The following ACOT7 variants were observed in gnomAD, a reference collection of about 807,000 sequenced individuals.
ACOT7 encodes the protein acyl-CoA thioesterase 7.
ACOT7 carries 12 observed loss-of-function variants against 40.2 expected under a neutral mutation model. The ratio of observed to expected loss-of-function variants is 0.30; its 90% confidence interval spans 0.19 to 0.48. The LOEUF (loss-of-function observed/expected upper bound fraction) is 0.48, where lower values mean the gene tolerates loss of function less well. Among genes scored for constraint, ACOT7 ranks in the 20% least tolerant of loss-of-function variants. The pLI, the probability that ACOT7 is intolerant of heterozygous loss-of-function variation, is 0.99. For missense variants in ACOT7, 395 were observed against 530.8 expected, an observed-to-expected ratio of 0.74 and a Z score of 2.51; for synonymous variants, 228 against 219.5, an observed-to-expected ratio of 1.04 and a Z score of -0.34.
At chr1:6,351,335 G>A (rs1641585741) in intron 1 of ACOT7, among the ~76,000 whole-genome samples, 1 of 152,258 alleles carries the variant, frequency 6.6e-6, no homozygotes, top group African/African-American at 2.4e-5. Context: ...ACAGTGGCCG[G>A]GGGATCCCCA....
intron 1 of ACOT7, chr1:6,360,737 C>T: frequency 1.3e-6 from 2 of 1,597,894 alleles, no homozygotes; most frequent in Non-Finnish European, 1.7e-6. Context: ...CAATACTGTG[C>T]CCTTTGGACT....
rs116806991 is a variant in ACOT7 at position 6,354,460 on chromosome 1, G to A, written c.144-4594C>T. On this transcript the variant is annotated intron_variant, in intron 1 of 8. Coordinates refer to ENST00000361521, the MANE Select transcript of ACOT7 (RefSeq NM_007274.4). Reference sequence around the variant, plus strand: ...ATGGCCCAAAAGGGGGTGAAGAAGCGATGTCCTGAGACAGGGACGCAGCTG... The same window carrying A: ...ATGGCCCAAAAGGGGGTGAAGAAGCAATGTCCTGAGACAGGGACGCAGCTG... Among the ~76,000 whole-genome samples the A allele has an allele frequency of 6.4e-3, 976 of 152,374 alleles. 12 individuals are homozygous for A. Among genetic ancestry groups the A allele is most frequent in the African/African-American group, 0.022 (919 of 41,586 alleles).
chr1:6,391,860 C>T lies in ACOT7; in HGVS notation c.143+1397G>A, dbSNP rs137986531. Among the ~76,000 whole-genome samples the T allele has an allele frequency of 4.9e-3, 749 of 152,278 alleles. 8 individuals carry two copies. The highest frequency in any genetic ancestry group is 0.017 in the African/African-American group (719 of 41,558). ...AGACAGGTATAAGCTCTTTGCAAACCATGGAGCCCAAGTTTCCCAGCCAAT... is the reference window on the plus strand; with the variant it reads ...AGACAGGTATAAGCTCTTTGCAAACTATGGAGCCCAAGTTTCCCAGCCAAT... On this transcript the variant is annotated intron_variant, in intron 1 of 8. Coordinates refer to ENST00000361521, the MANE Select transcript of ACOT7 (RefSeq NM_007274.4).
intron 6 of ACOT7, among the ~76,000 whole-genome samples, chr1:6,297,408 C>T (rs1639839022): frequency 6.6e-6 from 1 of 152,170 alleles, no homozygotes; most frequent in South Asian, 2.1e-4. Context: ...CAAGCGAAAA[C>T]CAGACTTGTA....
At chr1:6,305,661 T>C (rs1331552114) in intron 6 of ACOT7, among the ~76,000 whole-genome samples, 9 of 142,130 alleles carry the variant, frequency 6.3e-5, no homozygotes, top group African/African-American at 2.2e-4. Flanking sequence ...CCTCACTTCC[T>C]AGATGGGATG....
chr1:6,350,220 C>T (rs1449181526), intron 1 of ACOT7, among the ~76,000 whole-genome samples: 1 of 152,160 alleles, frequency 6.6e-6, no homozygotes, highest in East Asian at 1.9e-4. Context: ...CTTGGGGTTC[C>T]CAGTGACCAA....
chr1:6,334,380 T>C (rs1458975330), intron 3 of ACOT7, among the ~76,000 whole-genome samples: 2 of 152,214 alleles, frequency 1.3e-5, no homozygotes, highest in East Asian at 1.9e-4. Context: ...ACTTGGCCCA[T>C]ACAGACGTGC....
intron 6 of ACOT7, among the ~76,000 whole-genome samples, chr1:6,304,393 CTTTTT>C (rs765262733): frequency 9.0e-5 from 10 of 111,102 alleles, no homozygotes; most frequent in African/African-American, 3.2e-4. Context: ...AAAGTACGTT[CTTTTT>C]TTTTTTTTTT....
At chr1:6,354,867 C>A (rs1641700301) in intron 1 of ACOT7, among the ~76,000 whole-genome samples, 1 of 151,366 alleles carries the variant, frequency 6.6e-6, no homozygotes, top group African/African-American at 2.4e-5. Context: ...CCCCTCACCC[C>A]CCATGGCCTC....
At position 6,306,530 on chromosome 1, in the gene ACOT7, C is replaced by T. The variant is rs1051380517; in HGVS notation, c.713-11550G>A. ...TCCCCCGCTGAAGCATCAGGATGGACGTGAAGCTGTTCTTCAGAACAGAAG... is the reference window on the plus strand; with the variant it reads ...TCCCCCGCTGAAGCATCAGGATGGATGTGAAGCTGTTCTTCAGAACAGAAG... On this transcript the variant is annotated intron_variant, in intron 6 of 8. Coordinates refer to ENST00000361521, the MANE Select transcript of ACOT7 (RefSeq NM_007274.4). This position sits in a 1 kb window ranked among gnomAD's most constrained non-coding sequence, Gnocchi z 4.3. 11 of 985,226 alleles carry T rather than the reference C, an allele frequency of 1.1e-5. No homozygotes were observed. In the South Asian group the frequency reaches 1.9e-4, roughly 17 times the overall value. The allele number at this position is 985,226 out of a possible 1,614,324, so 61.0% of individuals were successfully genotyped here. A position where few individuals can be genotyped will look rare whatever the true frequency, so the allele number is the denominator to read the frequency against.
chr1:6,323,819 C>T lies in ACOT7; in HGVS notation c.625+3480G>A, dbSNP rs140615206. 1.5e-3 allele frequency among the ~76,000 whole-genome samples: 222 copies of T among 146,822 alleles called. 2 individuals are homozygous for T. In the East Asian group the frequency reaches 0.042, roughly 28 times the overall value. ...GGACAAAGGACTTTTAAGGAACTCT[C>T]AGACTCTGAGGTACCTGAAAGACGA... On this transcript the variant is annotated intron_variant, in intron 5 of 8. Coordinates refer to ENST00000361521, the MANE Select transcript of ACOT7 (RefSeq NM_007274.4).
chr1:6,277,199 C>T (rs1639221575), intron 8 of ACOT7, among the ~76,000 whole-genome samples: 1 of 152,216 alleles, frequency 6.6e-6, no homozygotes, highest in South Asian at 2.1e-4. Context: ...GATCGCTGGC[C>T]CCTCGTGGTC....
intron 3 of ACOT7, among the ~76,000 whole-genome samples, chr1:6,339,200 T>A (rs191475514): frequency 5.5e-4 from 83 of 152,208 alleles, no homozygotes; most frequent in Admixed American, 3.5e-3. Flanking sequence ...GACAGCAGGG[T>A]TGAGTCCTGC....
At chr1:6,322,638 T>C (rs1057084980) in intron 5 of ACOT7, among the ~76,000 whole-genome samples, 39 of 152,358 alleles carry the variant, frequency 2.6e-4, no homozygotes, top group African/African-American at 8.9e-4. Flanking sequence ...GTTGTTCCTC[T>C]GTGTGTGTCT....
At chr1:6,270,301 G>A (rs1056548376) in intron 8 of ACOT7, among the ~76,000 whole-genome samples, 1 of 152,246 alleles carries the variant, frequency 6.6e-6, no homozygotes, top group African/African-American at 2.4e-5. Flanking sequence ...TTTTAATGGA[G>A]GGTTGGGGGT....
intron 2 of ACOT7, among the ~76,000 whole-genome samples, chr1:6,342,429 C>T (rs1641302791): frequency 2.6e-5 from 4 of 152,186 alleles, no homozygotes; most frequent in Admixed American, 2.6e-4. Flanking sequence ...TTTCCAGTGA[C>T]TTCCTTTTCA....
At chr1:6,376,499 C>T (rs1032232527) in intron 1 of ACOT7, among the ~76,000 whole-genome samples, 12 of 151,794 alleles carry the variant, frequency 7.9e-5, no homozygotes, top group African/African-American at 1.2e-4. Flanking sequence ...GAGGCTGAGG[C>T]GGGTGGATCA....
chr1:6,292,804 C>A (rs923614282), intron 7 of ACOT7, among the ~76,000 whole-genome samples: 3 of 151,764 alleles, frequency 2.0e-5, no homozygotes, highest in Non-Finnish European at 2.9e-5. Flanking sequence ...GCCTCATCCT[C>A]CCAAGTAGCT....
intron 5 of ACOT7, among the ~76,000 whole-genome samples, chr1:6,321,429 C>G (rs1640642200): frequency 6.6e-6 from 1 of 152,168 alleles, no homozygotes; most frequent in Non-Finnish European, 1.5e-5. Context: ...ACTTTTCCAT[C>G]CCACTCCACT....
Sources: allele counts gnomAD v4.1 joint callset (sites outside exome capture counted in the v4.1 genomes callset), GRCh38; gene constraint gnomAD v4.1.1; non-coding constraint Gnocchi (gnomAD v3.1); transcripts MANE v1.5; gene names NCBI Gene and HGNC (gene_info 2026-07-23, HGNC 2026-07-21).